Variants in RNF111 observed in about 807,000 individuals in gnomAD.
RNF111 encodes the protein E3 ubiquitin-protein ligase Arkadia.
Under a neutral mutation model 95.1 loss-of-function variants are expected in RNF111, and 17 were observed. That is an observed-to-expected ratio of 0.18 (90% confidence interval 0.12 to 0.27). The LOEUF is 0.27. RNF111 is among the 10% of genes least tolerant of loss of function. RNF111 has a pLI of 1.00. For synonymous variants in RNF111, 440 were observed against 414.8 expected, an observed-to-expected ratio of 1.06 and a Z score of -0.74; for missense variants, 1,189 against 1,210.4, an observed-to-expected ratio of 0.98 and a Z score of 0.26.
chr15:59,038,759 G>T (rs1462307623), intron 2 of RNF111, among the ~76,000 whole-genome samples: 1 of 152,066 alleles, frequency 6.6e-6, no homozygotes, highest in Non-Finnish European at 1.5e-5. Context: ...GGGTCTAAAA[G>T]CTTGATTAGG....
intron 1 of RNF111, among the ~76,000 whole-genome samples, chr15:58,988,888 A>T (rs2038686304): frequency 6.6e-6 from 1 of 152,226 alleles, no homozygotes; most frequent in South Asian, 2.1e-4. Context: ...CAGCTGACAT[A>T]GACTACGTTT....
Position 59,075,941 on chromosome 15 carries a change from C to A in RNF111, c.1687-13C>A. 3 of 1,611,918 alleles carry A rather than the reference C, an allele frequency of 1.9e-6. No homozygotes were observed. The highest frequency in any genetic ancestry group is 2.2e-5 in the South Asian group (2 of 91,030). On this transcript the variant is annotated splice_polypyrimidine_tract_variant and intron_variant, in intron 6 of 13. Transcript: ENST00000348370. ...AACTTTAGAAAGATAAAATATACTTCCTTTTTATCTAGCAGGCATTGCCAG... is the reference window on the plus strand; with the variant it reads ...AACTTTAGAAAGATAAAATATACTTACTTTTTATCTAGCAGGCATTGCCAG...
intron 1 of RNF111, among the ~76,000 whole-genome samples, chr15:58,991,841 C>G (rs1362220217): frequency 6.6e-6 from 1 of 151,908 alleles, no homozygotes; most frequent in African/African-American, 2.4e-5. Context: ...TTGTTTAAAC[C>G]CTGACTCAAA....
intron 9 of RNF111, among the ~76,000 whole-genome samples, chr15:59,084,549 A>G (rs1158320776): frequency 6.6e-6 from 1 of 152,246 alleles, no homozygotes; most frequent in African/African-American, 2.4e-5. Context: ...ATACATACAT[A>G]CATTGTGAAA....
intron 1 of RNF111, among the ~76,000 whole-genome samples, chr15:59,018,917 GTTTCT>G (rs1380138774): frequency 4.0e-5 from 6 of 151,622 alleles, no homozygotes; most frequent in African/African-American, 7.3e-5. Flanking sequence ...CTGTATATTT[GTTTCT>G]TTTCTTTTTT....
chr15:59,054,789 T>A (rs2042137869), intron 3 of RNF111, among the ~76,000 whole-genome samples: 1 of 152,178 alleles, frequency 6.6e-6, no homozygotes, highest in Non-Finnish European at 1.5e-5. Flanking sequence ...CCACCCCCAA[T>A]GACCTTTTAT....
intron 2 of RNF111, among the ~76,000 whole-genome samples, chr15:59,036,780 G>T (rs2041200443): frequency 2.0e-5 from 3 of 152,176 alleles, no homozygotes; most frequent in African/African-American, 7.2e-5. Flanking sequence ...CCCAACAGTT[G>T]TATATAATTA....
intron 1 of RNF111, among the ~76,000 whole-genome samples, chr15:58,997,001 G>A (rs2039104578): frequency 6.6e-6 from 1 of 151,940 alleles, no homozygotes; most frequent in East Asian, 1.9e-4. Flanking sequence ...GCTTATATTT[G>A]TTTGTATTTA....
At chr15:59,056,396 T>G (rs758111634) in intron 4 of RNF111, among the ~76,000 whole-genome samples, 7 of 152,164 alleles carry the variant, frequency 4.6e-5, no homozygotes, top group Non-Finnish European at 1.0e-4. Flanking sequence ...AGTGGTAGAA[T>G]TTAGGAATAT....
intron 6 of RNF111, among the ~76,000 whole-genome samples, chr15:59,075,709 T>A (rs1237688208): frequency 6.6e-6 from 1 of 152,210 alleles, no homozygotes; most frequent in Non-Finnish European, 1.5e-5. Flanking sequence ...ATCTTATGCT[T>A]GATTTTTAAA....
chr15:59,048,981 G>A lies in RNF111; in HGVS notation c.881-3324G>A, dbSNP rs1436045607. 3.9e-5 allele frequency among the ~76,000 whole-genome samples: 6 copies of A among 152,164 alleles called. No homozygotes were observed. In the East Asian group the frequency reaches 1.2e-3, roughly 30 times the overall value. On this transcript the variant is annotated intron_variant, in intron 2 of 13. Transcript: ENST00000348370. ...CTGGGTGTGGTGGTGTGCACCTGTA[G>A]TCCCAGCTACTCAGGAGGCTGAGTT...
Position 58,989,465 on chromosome 15 carries a change from T to C in RNF111, c.-20+1397T>C, listed in dbSNP as rs557932069. Among the ~76,000 whole-genome samples the C allele has an allele frequency of 1.5e-4, 23 of 152,328 alleles. No homozygotes were observed. In the South Asian group the frequency reaches 4.4e-3, roughly 29 times the overall value. ...AGGGTGTTTATAAATCTAAATAATA[T>C]TTTAGGAAAAAGTAGGAAGAATGAG... On this transcript the variant is annotated intron_variant, in intron 1 of 13. Transcript: ENST00000348370.
chr15:59,067,088 G>A lies in RNF111; in HGVS notation c.1686+5G>A. Reference sequence around the variant, plus strand: ...GGTACCAGCTATCATGAACAGGTATGTGGAATTTGAGTCAGTCTTTCTTTC... The same window carrying A: ...GGTACCAGCTATCATGAACAGGTATATGGAATTTGAGTCAGTCTTTCTTTC... On this transcript the variant is annotated splice_donor_5th_base_variant and intron_variant, in intron 6 of 13. Transcript: ENST00000348370. 1 of 1,610,364 alleles carries A rather than the reference G, an allele frequency of 6.2e-7. No individual in the cohort carries two copies. The highest frequency in any genetic ancestry group is 8.5e-7 in the Non-Finnish European group (1 of 1,177,206).
intron 6 of RNF111, among the ~76,000 whole-genome samples, chr15:59,073,260 C>G (rs141471543): frequency 1.3e-5 from 2 of 152,008 alleles, no homozygotes; most frequent in Non-Finnish European, 2.9e-5. Flanking sequence ...AGATCACTTG[C>G]GGTCAGCAGT....
chr15:59,050,933 G>T (rs2041950427), intron 2 of RNF111, among the ~76,000 whole-genome samples: 5 of 152,144 alleles, frequency 3.3e-5, no homozygotes, highest in Admixed American at 3.3e-4. Flanking sequence ...GGGTAAAAAA[G>T]ATTTTTCAAT....
rs938786745 is a variant in RNF111 at position 59,036,509 on chromosome 15, A to C, written c.880+4807A>C. On this transcript the variant is annotated intron_variant, in intron 2 of 13. Coordinates refer to ENST00000348370, the MANE Select transcript of RNF111 (RefSeq NM_017610.8). ...AGAGAGCTTGTGCAAGGAACTTGGC[A>C]TTTATAAAATCATCAGATCTCATGA... 2.6e-5 allele frequency among the ~76,000 whole-genome samples: 4 copies of C among 152,204 alleles called. No homozygotes were observed. The East Asian group carries it at 7.7e-4, about 29-fold the overall frequency.
intron 2 of RNF111, among the ~76,000 whole-genome samples, chr15:59,033,004 A>G (rs2040991872): frequency 1.3e-5 from 2 of 152,210 alleles, no homozygotes; most frequent in Admixed American, 6.5e-5. Flanking sequence ...AAGATAATGC[A>G]TCACTTTTAC....
chr15:59,062,764 A>G (rs2042496480), intron 5 of RNF111, among the ~76,000 whole-genome samples: 1 of 152,214 alleles, frequency 6.6e-6, no homozygotes, highest in African/African-American at 2.4e-5. Flanking sequence ...GCAAGAATTC[A>G]AACCTAGGCA....
chr15:59,016,617 A>C (rs1275127972), intron 1 of RNF111, among the ~76,000 whole-genome samples: 2 of 151,976 alleles, frequency 1.3e-5, no homozygotes, highest in Non-Finnish European at 2.9e-5. Flanking sequence ...ATTTTGTTCT[A>C]CCCTACCTAT....
Sources: allele counts gnomAD v4.1 joint callset (sites outside exome capture counted in the v4.1 genomes callset), GRCh38; gene constraint gnomAD v4.1.1; transcripts MANE v1.5; gene names NCBI Gene and HGNC (gene_info 2026-07-23, HGNC 2026-07-21).